PRKN: variants seen among roughly 807,000 people sequenced by gnomAD.
PRKN encodes parkin RBR E3 ubiquitin protein ligase, also known as E3 ubiquitin-protein ligase parkin.
A neutral mutation model predicts 59.5 loss-of-function variants in PRKN; 56 were observed. That is an observed-to-expected ratio of 0.94 (90% CI 0.76 to 1.18). The LOEUF (loss-of-function observed/expected upper bound fraction) is 1.18. Ranked by LOEUF, PRKN falls within the 50% of genes most tolerant of loss-of-function variation. The pLI is 0.00. For synonymous variants in PRKN, 250 were observed against 222.1 expected, an observed-to-expected ratio of 1.13 and a Z score of -1.12; for missense variants, 657 against 596.4, an observed-to-expected ratio of 1.10 and a Z score of -1.06.
intron 7 of PRKN, among the ~76,000 whole-genome samples, chr6:161,771,542 C>T (rs147793635): frequency 2.5e-3 from 377 of 152,110 alleles, no homozygotes; most frequent in Non-Finnish European, 4.0e-3. Context: ...TTCACCACTG[C>T]CTTTTGTACA....
At chr6:162,530,635 G>A (rs1176251229) in intron 1 of PRKN, among the ~76,000 whole-genome samples, 1 of 152,144 alleles carries the variant, frequency 6.6e-6, no homozygotes, top group Non-Finnish European at 1.5e-5. Context: ...AGTGAGAAAA[G>A]CACTGGAAAG....
intron 4 of PRKN, among the ~76,000 whole-genome samples, chr6:162,143,792 G>A (rs1562538537): frequency 6.6e-6 from 1 of 152,264 alleles, no homozygotes; most frequent in South Asian, 2.1e-4. Context: ...ATTGAGTCTT[G>A]AAAAATGAGA....
chr6:162,177,491 T>A (rs1481684031), intron 4 of PRKN, among the ~76,000 whole-genome samples: 1 of 152,180 alleles, frequency 6.6e-6, no homozygotes, highest in Non-Finnish European at 1.5e-5. Flanking sequence ...GAAAGCTATT[T>A]CATTGCTAAA....
At chr6:162,645,381 A>C (rs1778127558) in intron 1 of PRKN, among the ~76,000 whole-genome samples, 1 of 152,236 alleles carries the variant, frequency 6.6e-6, no homozygotes, top group South Asian at 2.1e-4. Flanking sequence ...ATCAAGAAGC[A>C]AACAGTCACT....
In PRKN at chr6:161,785,862, A is replaced by C; in HGVS notation, c.781T>G (p.Leu261Val). The C allele has an allele frequency of 6.2e-7, 1 of 1,614,166 alleles. No homozygotes were observed. Residue 261 changes from leucine to valine, a missense_variant, in exon 7 of 12, where the codon TTA becomes GTA. Coordinates refer to ENST00000366898, the MANE Select transcript of PRKN (RefSeq NM_004562.3). ...ACACAGTATAAGTGGAAACAGTCTA[A>C]GCAAATCACGTGGCGGGAGTTGCAC... ...FQCNSRHVIC[L>V]DCFHLYCVTR...
At chr6:162,078,927 T>G (rs1191960470) in intron 4 of PRKN, among the ~76,000 whole-genome samples, 1 of 152,076 alleles carries the variant, frequency 6.6e-6, no homozygotes, top group Non-Finnish European at 1.5e-5. Context: ...ATTTAATAGA[T>G]CAGACCCTCC....
chr6:162,299,464 C>T (rs1307276988), intron 2 of PRKN, among the ~76,000 whole-genome samples: 1 of 151,956 alleles, frequency 6.6e-6, no homozygotes, highest in East Asian at 1.9e-4. Flanking sequence ...TATTTTTTTC[C>T]CAGGTGCACC....
chr6:161,907,988 G>A (rs1778211995), intron 6 of PRKN, among the ~76,000 whole-genome samples: 1 of 152,002 alleles, frequency 6.6e-6, no homozygotes. Context: ...TGAGGCAAGA[G>A]AATGGCTTGA....
intron 4 of PRKN, among the ~76,000 whole-genome samples, chr6:162,161,756 C>T (rs1421513802): frequency 6.6e-6 from 1 of 152,166 alleles, no homozygotes; most frequent in East Asian, 1.9e-4. Context: ...TCAATCCAAT[C>T]AGGTAGGCAT....
At chr6:162,333,630 G>A (rs915933960) in intron 2 of PRKN, among the ~76,000 whole-genome samples, 4 of 152,160 alleles carry the variant, frequency 2.6e-5, no homozygotes, top group African/African-American at 7.2e-5. Context: ...GTTAGACACT[G>A]TCTCTGTCTT....
In PRKN at chr6:161,584,647, T is replaced by C. The variant is rs530789227; in HGVS notation, c.872-15231A>G. 3.0e-4 allele frequency among the ~76,000 whole-genome samples: 46 copies of C among 152,348 alleles called. No individual in the cohort carries two copies. Among genetic ancestry groups the C allele is most frequent in the Non-Finnish European group, 2.9e-5 (2 of 68,034 alleles). ...CAATAAAAAGTGTGCAATGAATATCTGTTTAAATAGATTTGAGATAAGCTG... is the reference window on the plus strand; with the variant it reads ...CAATAAAAAGTGTGCAATGAATATCCGTTTAAATAGATTTGAGATAAGCTG... On this transcript the variant is annotated intron_variant, in intron 7 of 11. Transcript: ENST00000366898. The surrounding 1 kb of genome is among the most constrained non-coding windows in gnomAD (Gnocchi z 4.8).
rs11965132 is a variant in PRKN, at chr6:161,606,388, G to A, written c.872-36972C>T. ...AAGAAGGAGTCTGGGATGACTTCAG[G>A]GTTTCCAATTTTGACCAGTAGGGAT... On this transcript the variant is annotated intron_variant, in intron 7 of 11. Coordinates refer to ENST00000366898, the MANE Select transcript of PRKN (RefSeq NM_004562.3). 6.3e-3 allele frequency among the ~76,000 whole-genome samples: 956 copies of A among 152,216 alleles called. 9 individuals are homozygous for A. Among genetic ancestry groups the A allele is most frequent in the African/African-American group, 0.022 (923 of 41,540 alleles).
chr6:161,557,119 T>A (rs891532625), intron 8 of PRKN, among the ~76,000 whole-genome samples: 7 of 152,204 alleles, frequency 4.6e-5, no homozygotes, highest in African/African-American at 1.7e-4. Flanking sequence ...CTCCTGTATT[T>A]TATCAGATTA....
chr6:161,988,364 T>C (rs1364830544), intron 5 of PRKN, among the ~76,000 whole-genome samples: 2 of 151,862 alleles, frequency 1.3e-5, no homozygotes, highest in South Asian at 2.1e-4. Flanking sequence ...GGGGCGCGCA[T>C]GTAATCACAG....
At chr6:161,870,586 T>G (rs928585396) in intron 6 of PRKN, among the ~76,000 whole-genome samples, 6 of 152,176 alleles carry the variant, frequency 3.9e-5, no homozygotes, top group Non-Finnish European at 7.3e-5. Context: ...TAAAAAAAAT[T>G]TTTAATGTTT....
At chr6:162,199,195 A>G (rs1222104869) in intron 4 of PRKN, among the ~76,000 whole-genome samples, 5 of 149,824 alleles carry the variant, frequency 3.3e-5, no homozygotes, top group African/African-American at 9.9e-5. Context: ...TGTGACATCT[A>G]TCGTAATTAT....
chr6:162,339,696 A>AGG (rs1183127322), intron 2 of PRKN, among the ~76,000 whole-genome samples: 1 of 152,178 alleles, frequency 6.6e-6, no homozygotes, highest in South Asian at 2.1e-4. Flanking sequence ...TGGAATAGAA[A>AGG]GGGGGGAAGG....
At chr6:161,634,562 A>T (rs1783442877) in intron 7 of PRKN, among the ~76,000 whole-genome samples, 1 of 152,078 alleles carries the variant, frequency 6.6e-6, no homozygotes, top group South Asian at 2.1e-4. Context: ...TTTCTACTCA[A>T]CTCACCCCAA....
rs566670539 is a variant in PRKN, at chr6:162,463,448, A to C, written c.8-19975T>G. ...ACTAGCTTTCCAAGGGGGTTTGTAT[A>C]GGAAGCATCCTTATAAGACAAAGGT... is the stretch of plus-strand genomic sequence containing the variant. On this transcript the variant is annotated intron_variant, in intron 1 of 11. Coordinates refer to ENST00000366898, the MANE Select transcript of PRKN (RefSeq NM_004562.3). Among the ~76,000 whole-genome samples the C allele has an allele frequency of 1.6e-4, 24 of 152,288 alleles. 1 individual carries two copies. In the South Asian group the frequency reaches 4.8e-3, roughly 30 times the overall value.
Sources: gnomAD v4.1 joint callset for allele counts (sites outside exome capture counted in the v4.1 genomes callset) on GRCh38, gnomAD v4.1.1 for gene constraint, Gnocchi (gnomAD v3.1) non-coding constraint, MANE v1.5 for transcripts, NCBI Gene and HGNC (gene_info 2026-07-23, HGNC 2026-07-21) for gene names.